The following SDK1 variants were observed in gnomAD, a reference collection of about 807,000 sequenced individuals.
SDK1 encodes the protein sidekick cell adhesion molecule 1, also known as protein sidekick-1.
In SDK1, 157 loss-of-function variants were observed where a neutral mutation model predicts 245.5. That is an observed-to-expected ratio of 0.64 (90% confidence interval 0.56 to 0.73). SDK1 has a LOEUF of 0.73. SDK1 is among the 30% of genes least tolerant of loss of function. SDK1 has a pLI of 0.00. For synonymous variants in SDK1, 1,647 were observed against 1,278.5 expected (o/e 1.29, Z -6.15); for missense variants, 3,583 against 3,002.3 (o/e 1.19, Z -4.52).
chr7:4,142,218 C>T (rs986619037), intron 28 of SDK1, among the ~76,000 whole-genome samples: 1 of 152,054 alleles, frequency 6.6e-6, no homozygotes, highest in African/African-American at 2.4e-5. Flanking sequence ...GCTGCCTTAG[C>T]GAAAGATTCG....
At chr7:3,803,469 C>G (rs1158279222) in intron 4 of SDK1, among the ~76,000 whole-genome samples, 2 of 151,674 alleles carry the variant, frequency 1.3e-5, no homozygotes, top group African/African-American at 2.4e-5. Context: ...TGCCACTGTG[C>G]CTGATTAATT....
In SDK1 at chr7:4,268,025, G is replaced by A; in HGVS notation, c.*2641G>A. ...GGAAAAGAAAATCACAGCCTAGGAAGATGGAGGTTGGATTTTAATCTCGGT... is the reference window on the plus strand; with the variant it reads ...GGAAAAGAAAATCACAGCCTAGGAAAATGGAGGTTGGATTTTAATCTCGGT... On this transcript the variant is annotated 3_prime_UTR_variant, in exon 45 of 45. Transcript: ENST00000404826. 2 of 985,486 alleles carry A rather than the reference G, an allele frequency of 2.0e-6. No homozygotes were observed. The highest frequency in any genetic ancestry group is 2.4e-6 in the Non-Finnish European group (2 of 829,942). 61.0% of individuals were successfully genotyped at this position (985,486 alleles called of 1,614,324 possible). A position where few individuals can be genotyped will look rare whatever the true frequency, so the allele number is the denominator to read the frequency against.
intron 5 of SDK1, among the ~76,000 whole-genome samples, chr7:3,912,874 A>C (rs895678906): frequency 6.6e-6 from 1 of 151,852 alleles, no homozygotes; most frequent in Non-Finnish European, 1.5e-5. Flanking sequence ...TAACCAAAAA[A>C]AAGTGCAGTG....
chr7:4,074,916 A>ATATATTTTTTTTT (rs1434239449), intron 20 of SDK1, among the ~76,000 whole-genome samples: 3 of 64,604 alleles, frequency 4.6e-5, no homozygotes, highest in African/African-American at 2.4e-4. Context: ...ATATATATAT[A>ATATATTTTTTTTT]TTTTTTTTTT....
intron 5 of SDK1, among the ~76,000 whole-genome samples, chr7:3,945,899 T>TAAAAAAAAAAAAAAAAAAAAAAAA (rs754101246): frequency 7.3e-5 from 1 of 13,678 alleles, no homozygotes; most frequent in African/African-American, 1.6e-4. Context: ...ACTCTGTCTG[T>TAAAAAAAAAAAAAAAAAAAAAAAA]AAAAAAAAAA....
At chr7:3,491,386 A>G (rs1159630740) in intron 1 of SDK1, among the ~76,000 whole-genome samples, 2 of 152,214 alleles carry the variant, frequency 1.3e-5, no homozygotes, top group African/African-American at 2.4e-5. Context: ...AAGTTCCCAA[A>G]CGATGTCAGT....
rs56902874 is a variant in SDK1, at chr7:3,783,474, CA to C, written c.714-37964del. Among the ~76,000 whole-genome samples, 515 of 135,524 alleles carry C rather than the reference CA, an allele frequency of 3.8e-3. 6 individuals carry two copies. The highest frequency in any genetic ancestry group is 8.8e-3 in the South Asian group (37 of 4,184). The allele number at this position is 135,524 out of a possible 152,430, so 88.9% of individuals were successfully genotyped here. A position where few individuals can be genotyped will look rare whatever the true frequency, so the allele number is the denominator to read the frequency against. ...ATATAGAAAATGCTACAGACCCCAC[CA>C]AAAAAAAAAAACCCTGTTGGAACTA... On this transcript the variant is annotated intron_variant, in intron 4 of 44. Transcript: ENST00000404826.
chr7:3,498,575 T>C (rs1226055041), intron 1 of SDK1, among the ~76,000 whole-genome samples: 3 of 152,198 alleles, frequency 2.0e-5, no homozygotes, highest in Admixed American at 6.5e-5. Context: ...CTACCATTGA[T>C]AGCTATTACT....
chr7:4,248,521 C>T lies in SDK1; in HGVS notation c.6381+2716C>T, dbSNP rs1787064157. ...ACACACCTAAATACACATATGCACA[C>T]ATACGTACACATACACACATGCAAA... is the stretch of plus-strand genomic sequence containing the variant. On this transcript the variant is annotated intron_variant, in intron 44 of 44. Coordinates refer to ENST00000404826, the MANE Select transcript of SDK1 (RefSeq NM_152744.4). Among the ~76,000 whole-genome samples the T allele has an allele frequency of 2.6e-5, 4 of 151,924 alleles. No homozygotes were observed. In the South Asian group the frequency reaches 8.3e-4, roughly 32 times the overall value.
intron 4 of SDK1, among the ~76,000 whole-genome samples, chr7:3,700,155 A>G (rs1480678934): frequency 6.6e-6 from 1 of 152,248 alleles, no homozygotes; most frequent in East Asian, 1.9e-4. Flanking sequence ...ATGAAGGGAA[A>G]ACTAAAGGAA....
At chr7:4,155,949 A>T (rs1780705496) in intron 30 of SDK1, among the ~76,000 whole-genome samples, 1 of 152,210 alleles carries the variant, frequency 6.6e-6, no homozygotes, top group South Asian at 2.1e-4. Context: ...GACAGCAGGC[A>T]GGGCCATCTG....
At chr7:4,077,241 C>A (rs771076757) in intron 21 of SDK1, 52 bp downstream of exon 21, 2 of 1,552,144 alleles carry the variant, frequency 1.3e-6, no homozygotes, top group Admixed American at 1.8e-5. Context: ...CTTGGAGATT[C>A]CCGAGGCTAG....
intron 1 of SDK1, among the ~76,000 whole-genome samples, chr7:3,573,154 G>A (rs1780171353): frequency 6.6e-6 from 1 of 152,066 alleles, no homozygotes. Context: ...GTTTTAAATG[G>A]GGTGCTTATC....
chr7:4,246,220 G>A (rs557608626), intron 44 of SDK1, among the ~76,000 whole-genome samples: 3 of 152,216 alleles, frequency 2.0e-5, no homozygotes, highest in African/African-American at 2.4e-5. Flanking sequence ...TCTGTGAGAG[G>A]TTTCTTGCAG....
intron 1 of SDK1, among the ~76,000 whole-genome samples, chr7:3,336,704 C>G (rs1424287574): frequency 6.6e-6 from 1 of 152,206 alleles, no homozygotes; most frequent in African/African-American, 2.4e-5. Context: ...TTGGCTTTCC[C>G]TTCCCTGTGG....
chr7:3,988,720 A>G (rs10270839), intron 14 of SDK1, among the ~76,000 whole-genome samples: 25,268 of 152,136 alleles, frequency 0.17, 3,295 homozygotes, highest in African/African-American at 0.36. Context: ...TAGATAATCC[A>G]TTACCTCCAC....
intron 1 of SDK1, among the ~76,000 whole-genome samples, chr7:3,610,729 T>A (rs1219585097): frequency 6.6e-6 from 1 of 152,216 alleles, no homozygotes; most frequent in African/African-American, 2.4e-5. Flanking sequence ...TTCCCTTAAA[T>A]ATGGTGTTAA....
intron 1 of SDK1, among the ~76,000 whole-genome samples, chr7:3,405,418 C>CT (rs1410427297): frequency 6.6e-6 from 1 of 152,046 alleles, no homozygotes; most frequent in African/African-American, 2.4e-5. Context: ...AGGCTGTGGG[C>CT]TGACCACCGG....
intron 4 of SDK1, among the ~76,000 whole-genome samples, chr7:3,735,273 T>C (rs1779287602): frequency 6.6e-6 from 1 of 152,222 alleles, no homozygotes; most frequent in Non-Finnish European, 1.5e-5. Context: ...TTTAGAACTT[T>C]TTTACCTTGC....
Sources: allele counts gnomAD v4.1 joint callset (sites outside exome capture counted in the v4.1 genomes callset), GRCh38; gene constraint gnomAD v4.1.1; transcripts MANE v1.5; gene names NCBI Gene and HGNC (gene_info 2026-07-23, HGNC 2026-07-21).